Variants in EIPR1 observed in about 807,000 individuals in gnomAD.
EIPR1 encodes the protein EARP complex and GARP complex interacting protein 1, also known as EARP and GARP complex-interacting protein 1.
A neutral mutation model predicts 48.1 loss-of-function variants in EIPR1; 25 were observed. The observed-to-expected ratio is 0.52, with a 90% CI of 0.38 to 0.73. The LOEUF (loss-of-function observed/expected upper bound fraction) is 0.73. EIPR1 is among the 30% of genes least tolerant of loss of function. The pLI is 0.00. For synonymous variants in EIPR1, 204 were observed against 201.9 expected (o/e 1.01, Z -0.09); for missense variants, 415 against 506.2 (o/e 0.82, Z 1.73).
At chr2:3,285,966 T>C (rs892173631) in intron 3 of EIPR1, among the ~76,000 whole-genome samples, 1 of 152,108 alleles carries the variant, frequency 6.6e-6, no homozygotes, top group East Asian at 1.9e-4. Context: ...CACCGATGTC[T>C]CCGGGACCCT....
rs556282306 is a variant in EIPR1 at position 3,285,902 on chromosome 2, C to T, written c.260-28447G>A. Among the ~76,000 whole-genome samples, 450 of 147,134 alleles carry T rather than the reference C, an allele frequency of 3.1e-3. 26 individuals carry two copies. Among genetic ancestry groups the T allele is most frequent in the African/African-American group, 0.011 (431 of 39,212 alleles). On this transcript the variant is annotated intron_variant, in intron 3 of 8. Transcript: ENST00000382125. ...AGTCACCAACTGTCTCCGGGACCCT[C>T]GCATGGAGCAGAAGTCACCGACTGT...
At chr2:3,267,731 CATCT>C (rs1218576137) in intron 3 of EIPR1, among the ~76,000 whole-genome samples, 5 of 152,228 alleles carry the variant, frequency 3.3e-5, no homozygotes, top group African/African-American at 1.2e-4. Context: ...CCATCGGGCA[CATCT>C]AGCCTGCACC....
chr2:3,252,317 G>C (rs1386903712), intron 4 of EIPR1, among the ~76,000 whole-genome samples: 1 of 152,174 alleles, frequency 6.6e-6, no homozygotes, highest in East Asian at 1.9e-4. Context: ...CGGGCCACGT[G>C]CAACAGCTCA....
At chr2:3,310,532 A>AG (rs943816002) in intron 3 of EIPR1, among the ~76,000 whole-genome samples, 2 of 146,238 alleles carry the variant, frequency 1.4e-5, no homozygotes, top group Non-Finnish European at 3.0e-5. Flanking sequence ...GGGCGCCTGT[A>AG]GTCCCAGCTA....
chr2:3,255,649 G>T (rs181166889), intron 4 of EIPR1, among the ~76,000 whole-genome samples: 7 of 152,296 alleles, frequency 4.6e-5, no homozygotes, highest in Non-Finnish European at 7.3e-5. Flanking sequence ...CCCAGGCAGG[G>T]CCAAGGTCCC....
At chr2:3,217,038 C>T (rs961617609) in intron 4 of EIPR1, among the ~76,000 whole-genome samples, 1 of 152,192 alleles carries the variant, frequency 6.6e-6, no homozygotes. Context: ...CAGTCCCAAC[C>T]TGTGTCACCA....
At chr2:3,271,266 T>A (rs1458946237) in intron 3 of EIPR1, among the ~76,000 whole-genome samples, 1 of 152,190 alleles carries the variant, frequency 6.6e-6, no homozygotes, top group Admixed American at 6.5e-5. Context: ...ACTTCCCCCA[T>A]TAACTTCCTA....
chr2:3,284,910 A>G (rs1279633503), intron 3 of EIPR1, among the ~76,000 whole-genome samples: 1 of 152,108 alleles, frequency 6.6e-6, no homozygotes, highest in Non-Finnish European at 1.5e-5. Context: ...GTGAGAAGGG[A>G]AAGCGGGTGT....
At chr2:3,228,771 A>T (rs189223175) in intron 4 of EIPR1, among the ~76,000 whole-genome samples, 1 of 152,154 alleles carries the variant, frequency 6.6e-6, no homozygotes, top group Admixed American at 6.5e-5. Context: ...ATGAGACCTG[A>T]TGGTTTTATC....
In EIPR1 at chr2:3,314,938, C is replaced by A. The variant is rs962917053; in HGVS notation, c.259+23079G>T. Among the ~76,000 whole-genome samples the A allele has an allele frequency of 4.0e-5, 6 of 151,818 alleles. No individual in the cohort carries two copies. In the South Asian group the frequency reaches 1.2e-3, roughly 31 times the overall value. On this transcript the variant is annotated intron_variant, in intron 3 of 8. Transcript: ENST00000382125. ...GCTGGTCACCCTGAGGCCTCCCTGG[C>A]AAGGCCCTGCCCTGGCGGTGTCCAC...
chr2:3,255,271 C>T lies in EIPR1; in HGVS notation c.416+2028G>A, dbSNP rs576193183. 2.0e-5 allele frequency among the ~76,000 whole-genome samples: 3 copies of T among 151,942 alleles called. No individual in the cohort carries two copies. The South Asian group carries it at 6.2e-4, about 31-fold the overall frequency. On this transcript the variant is annotated intron_variant, in intron 4 of 8. Transcript: ENST00000382125. ...GATCTCAGCTCACTGCAACCTCCGC[C>T]TCCCAGATTCAAGTGATTCTTCTGC...
At chr2:3,240,483 A>T (rs1572342961) in intron 4 of EIPR1, among the ~76,000 whole-genome samples, 1 of 148,274 alleles carries the variant, frequency 6.7e-6, no homozygotes, top group Admixed American at 6.7e-5. Flanking sequence ...AAGCCAGCAG[A>T]TCCCTCCTAA....
chr2:3,278,587 C>T (rs1472948524), intron 3 of EIPR1, among the ~76,000 whole-genome samples: 1 of 152,190 alleles, frequency 6.6e-6, no homozygotes, highest in South Asian at 2.1e-4. Flanking sequence ...CGACTTCCGA[C>T]CCCTGAGGTT....
At chr2:3,363,270 C>T (rs1311364326) in intron 1 of EIPR1, among the ~76,000 whole-genome samples, 1 of 151,468 alleles carries the variant, frequency 6.6e-6, no homozygotes, top group Non-Finnish European at 1.5e-5. Flanking sequence ...GGAAGAAAAA[C>T]AAAAAAAGAC....
intron 4 of EIPR1, among the ~76,000 whole-genome samples, chr2:3,255,648 G>A (rs991952861): frequency 6.6e-6 from 1 of 152,174 alleles, no homozygotes; most frequent in African/African-American, 2.4e-5. Flanking sequence ...CCCCAGGCAG[G>A]GCCAAGGTCC....
intron 1 of EIPR1, among the ~76,000 whole-genome samples, chr2:3,371,929 A>G (rs1671125869): frequency 6.6e-6 from 1 of 152,138 alleles, no homozygotes; most frequent in Non-Finnish European, 1.5e-5. Context: ...CAGAATATAC[A>G]TTTTTTTCAG....
At chr2:3,278,320 G>A (rs976356729) in intron 3 of EIPR1, among the ~76,000 whole-genome samples, 1 of 152,178 alleles carries the variant, frequency 6.6e-6, no homozygotes, top group Non-Finnish European at 1.5e-5. Flanking sequence ...CACATGCCCT[G>A]CCCTTGGACC....
At chr2:3,209,220 T>C (rs1332409844) in intron 5 of EIPR1, among the ~76,000 whole-genome samples, 4 of 152,176 alleles carry the variant, frequency 2.6e-5, no homozygotes, top group African/African-American at 2.4e-5. Context: ...TGGGGTCTCC[T>C]TCTGCCTCAT....
intron 5 of EIPR1, among the ~76,000 whole-genome samples, chr2:3,204,946 T>A (rs566077006): frequency 4.6e-5 from 7 of 152,028 alleles, no homozygotes; most frequent in Non-Finnish European, 7.4e-5. Flanking sequence ...CCCTACTACT[T>A]GCAGGCCGCA....
Sources: gnomAD v4.1 joint callset for allele counts (sites outside exome capture counted in the v4.1 genomes callset) on GRCh38, gnomAD v4.1.1 for gene constraint, MANE v1.5 for transcripts, NCBI Gene and HGNC (gene_info 2026-07-23, HGNC 2026-07-21) for gene names.